The following TSNAX variants were observed in gnomAD, a reference collection of about 807,000 sequenced individuals.
TSNAX encodes translin associated factor X.
Under a neutral mutation model 33.0 loss-of-function variants are expected in TSNAX, and 12 were observed. The ratio of observed to expected loss-of-function variants is 0.36; its 90% CI spans 0.23 to 0.59. The LOEUF (loss-of-function observed/expected upper bound fraction) is 0.59. Among genes scored for constraint, TSNAX ranks in the 20% least tolerant of loss-of-function variants. The pLI is 0.74. For missense variants in TSNAX, 267 were observed against 341.3 expected (o/e 0.78, Z 1.72); for synonymous variants, 110 against 117.2 (o/e 0.94, Z 0.40).
chr1:231,530,428 C>T (rs1658608962), intron 2 of TSNAX, among the ~76,000 whole-genome samples: 1 of 152,172 alleles, frequency 6.6e-6, no homozygotes, highest in Admixed American at 6.5e-5. Context: ...GGTGTGGTGG[C>T]TCACGCCTGT....
intron 2 of TSNAX, chr1:231,534,669 C>T (rs1659040146): frequency 6.6e-6 from 1 of 152,154 alleles, no homozygotes; most frequent in Non-Finnish European, 1.5e-5. Flanking sequence ...TTTGCAGTTC[C>T]TTTTCAACAA....
rs374119200 is a variant in TSNAX, at chr1:231,533,390, C to T, written c.122-3823C>T. Among the ~76,000 whole-genome samples the T allele has an allele frequency of 1.2e-4, 18 of 152,286 alleles. 1 individual carries two copies. The highest frequency in any genetic ancestry group is 6.2e-4 in the South Asian group (3 of 4,826). On this transcript the variant is annotated intron_variant, in intron 2 of 5. Coordinates refer to ENST00000366639, the MANE Select transcript of TSNAX (RefSeq NM_005999.3). ...AGCTGGGATTATAGGCGTGAGCCAT[C>T]GCGCCCGGCCCGGAAAGTCTTTAAT...
rs551774695 is a variant in TSNAX at position 231,543,547 on chromosome 1, T to C, written c.367+936T>C. 3.3e-5 allele frequency among the ~76,000 whole-genome samples: 5 copies of C among 152,320 alleles called. No individual in the cohort carries two copies. In the East Asian group the frequency reaches 5.8e-4, roughly 18 times the overall value. On this transcript the variant is annotated intron_variant, in intron 4 of 5. Coordinates refer to ENST00000366639, the MANE Select transcript of TSNAX (RefSeq NM_005999.3). The stretch of plus-strand genomic sequence containing the variant: ...GGATTTAGGATTTTTGGATTAGGAA[T>C]GCTCAATATCAGTACCCTAAGATTT...
At chr1:231,560,607 G>A (rs955515870) in intron 4 of TSNAX, among the ~76,000 whole-genome samples, 2 of 151,302 alleles carry the variant, frequency 1.3e-5, no homozygotes, top group Non-Finnish European at 2.9e-5. Context: ...TAGTAGAGAT[G>A]GGGTTTCGCC....
intron 4 of TSNAX, among the ~76,000 whole-genome samples, chr1:231,551,361 T>C (rs1660279107): frequency 6.6e-6 from 1 of 152,172 alleles, no homozygotes; most frequent in Non-Finnish European, 1.5e-5. Context: ...AGACCTGGGC[T>C]TTTATGTTTT....
intron 4 of TSNAX, among the ~76,000 whole-genome samples, chr1:231,550,678 C>T (rs550482817): frequency 1.3e-5 from 2 of 152,276 alleles, no homozygotes; most frequent in South Asian, 2.1e-4. Context: ...CTTCTTCCTT[C>T]CTTCCTTTTC....
chr1:231,529,110 C>A, intron 1 of TSNAX, 145 bp from the exon 2 acceptor site: 1 of 817,168 alleles, frequency 1.2e-6, no homozygotes, highest in Non-Finnish European at 1.9e-6. Context: ...GCCTGGGCAG[C>A]GTCTCTGTCA....
intron 4 of TSNAX, among the ~76,000 whole-genome samples, chr1:231,552,471 T>G (rs2124927225): frequency 6.6e-6 from 1 of 152,324 alleles, no homozygotes; most frequent in South Asian, 2.1e-4. Context: ...GAGTGGCCTG[T>G]GAATCCAATA....
At chr1:231,555,029 AT>A (rs1229158829) in intron 4 of TSNAX, among the ~76,000 whole-genome samples, 3 of 152,206 alleles carry the variant, frequency 2.0e-5, no homozygotes, top group Non-Finnish European at 4.4e-5. Flanking sequence ...CTATTATTTT[AT>A]TTTTAAAAAG....
In TSNAX at chr1:231,564,808, C is replaced by A. The variant is rs1199114030; in HGVS notation, c.776C>A (p.Ala259Asp). The A allele has an allele frequency of 1.9e-6, 3 of 1,613,964 alleles. No homozygotes were observed. Among genetic ancestry groups the A allele is most frequent in the Non-Finnish European group, 2.5e-6 (3 of 1,180,028 alleles). ...GCCAAAGTGGAGAATGCTTGTTATG[C>A]CTTGAAAGTCAGAGGGTCAGAAATT... ...SLAKVENACYALKVRGSEIPK... is the reference protein window; with the variant it reads ...SLAKVENACYDLKVRGSEIPK... Residue 259 changes from alanine (A) to aspartate (D), a missense_variant, in exon 6 of 6, where the codon GCC becomes GAC. Transcript: ENST00000366639.
At position 231,560,412 on chromosome 1, in the gene TSNAX, C is replaced by CA. The variant is rs1661011460; in HGVS notation, c.368-716_368-715insA. ...GGAATAGGCTTTTCTTTTCTCCCCC[C>CA]CCCCCCTTTTTTTTTTTTTGAGACG... On this transcript the variant is annotated intron_variant, in intron 4 of 5. Coordinates refer to ENST00000366639, the MANE Select transcript of TSNAX (RefSeq NM_005999.3). Among the ~76,000 whole-genome samples, 5 of 97,224 alleles carry CA rather than the reference C, an allele frequency of 5.1e-5. 1 individual carries two copies. Among genetic ancestry groups the CA allele is most frequent in the Non-Finnish European group, 8.2e-5 (4 of 48,612 alleles). 63.8% of individuals were successfully genotyped at this position (97,224 alleles called of 152,430 possible).
chr1:231,542,519 T>A lies in TSNAX; in HGVS notation c.275T>A (p.Ile92Asn). ...DMEDILTESE[I>N]KLDGVRQKIF... ...GAAGATATATTGACTGAATCAGAAA[T>A]TAAATTGGATGGTGTCAGACAAAAG... Residue 92 changes from isoleucine to asparagine, a missense_variant, in exon 4 of 6, where the codon ATT becomes AAT. Ile to Asn is a moderately radical substitution (Grantham distance 149). This residue lies in a region of TSNAX where 200 missense variants were observed against 214.1 expected (regional missense o/e 0.93). Coordinates refer to ENST00000366639, the MANE Select transcript of TSNAX (RefSeq NM_005999.3). 1 of 1,614,010 alleles carries A rather than the reference T, an allele frequency of 6.2e-7. No individual in the cohort carries two copies. Among genetic ancestry groups the A allele is most frequent in the Non-Finnish European group, 8.5e-7 (1 of 1,179,960 alleles).
intron 4 of TSNAX, among the ~76,000 whole-genome samples, chr1:231,555,374 G>A (rs1391517209): frequency 1.3e-5 from 2 of 152,270 alleles, no homozygotes; most frequent in South Asian, 2.1e-4. Context: ...AGACAAGAAA[G>A]TAGAATGGTG....
intron 2 of TSNAX, among the ~76,000 whole-genome samples, chr1:231,532,452 C>T (rs1658828092): frequency 1.3e-5 from 2 of 152,036 alleles, no homozygotes; most frequent in Middle Eastern, 3.4e-3. Flanking sequence ...CTTGGCCTCC[C>T]AAAGTGCTGG....
intron 3 of TSNAX, among the ~76,000 whole-genome samples, chr1:231,537,740 C>CAAAAAA (rs541527416): frequency 1.5e-5 from 1 of 66,280 alleles, no homozygotes; most frequent in Admixed American, 1.8e-4. Context: ...GACCCTGTCT[C>CAAAAAA]AAAAAAAAAA....
Position 231,537,262 on chromosome 1 carries a change from G to A in TSNAX, c.171G>A (p.Val57=). ...DARHDKYERL[V]KLSRDITVES... Reference sequence around the variant, plus strand: ...GGCATGACAAATATGAGAGACTTGTGAAACTTAGTCGGGATATAACTGTTG... The same window carrying A: ...GGCATGACAAATATGAGAGACTTGTAAAACTTAGTCGGGATATAACTGTTG... The change falls in exon 3 of 6, where the codon GTG becomes GTA. Residue 57 remains valine, a synonymous_variant. Coordinates refer to ENST00000366639, the MANE Select transcript of TSNAX (RefSeq NM_005999.3). The A allele has an allele frequency of 6.2e-7, 1 of 1,613,680 alleles. No homozygotes were observed. Among genetic ancestry groups the A allele is most frequent in the Non-Finnish European group, 8.5e-7 (1 of 1,179,838 alleles).
rs771924982 is a variant in TSNAX at position 231,529,227 on chromosome 1, C to T, written c.17-28C>T. The T allele has an allele frequency of 3.7e-6, 6 of 1,603,962 alleles. No homozygotes were observed. In the Admixed American group the frequency reaches 5.1e-5, roughly 14 times the overall value. On this transcript the variant is annotated intron_variant, in intron 1 of 5. Transcript: ENST00000366639. ...TTGCAAACTCTTGGTGATGGAAGAT[C>T]CCTCTCTTTTTTTCTTCTCTATATA... is the stretch of plus-strand genomic sequence containing the variant.
chr1:231,561,264 T>C lies in TSNAX; in HGVS notation c.495+9T>C, dbSNP rs776210365. ...GGAAAGAAAATAAAACTGTGAGAAT[T>C]TAAAATTTATTTCACATTTGTTATA... On this transcript the variant is annotated intron_variant, in intron 5 of 5. Coordinates refer to ENST00000366639, the MANE Select transcript of TSNAX (RefSeq NM_005999.3). 2 of 1,485,346 alleles carry C rather than the reference T, an allele frequency of 1.3e-6. No homozygotes were observed. Among genetic ancestry groups the C allele is most frequent in the Admixed American group, 4.0e-5 (2 of 50,314 alleles). 92.0% of individuals were successfully genotyped at this position (1,485,346 alleles called of 1,614,324 possible). A position where few individuals can be genotyped will look rare whatever the true frequency, so the allele number is the denominator to read the frequency against.
Position 231,561,133 on chromosome 1 carries a change from C to G in TSNAX, c.373C>G (p.Gln125Glu). The change falls in exon 5 of 6, where the codon CAG becomes GAG. Residue 125 changes from glutamine to glutamate, a missense_variant. By Grantham distance (29) the Gln-to-Glu change is conservative (BLOSUM62 2). Transcript: ENST00000366639. ...TTTCTTTGTCACGCTTTCAGGACTA[C>G]AGGAATATGTGGAAGCTGTCTCTTT... ...QFHRAITTGL[Q>E]EYVEAVSFQH... The G allele has an allele frequency of 1.2e-6, 2 of 1,609,396 alleles. No individual in the cohort carries two copies. Among genetic ancestry groups the G allele is most frequent in the Non-Finnish European group, 1.7e-6 (2 of 1,178,850 alleles).
Sources: gnomAD v4.1 joint callset for allele counts (sites outside exome capture counted in the v4.1 genomes callset) on GRCh38, gnomAD v4.1.1 for gene constraint, gnomAD v4.1.1 regional missense constraint, MANE v1.5 for transcripts, NCBI Gene and HGNC (gene_info 2026-07-23, HGNC 2026-07-21) for gene names.